GARIN5B: variants seen among roughly 807,000 people sequenced by gnomAD.
GARIN5B encodes golgi associated RAB2 interactor family member 5B, also known as Golgi-associated RAB2 interactor protein 5B.
the GARIN5B span, chr19:55,359,147 C>G: frequency 3.9e-6 from 6 of 1,551,080 alleles, no homozygotes; most frequent in East Asian, 1.5e-4. Context: ...CAGCACGGCT[C>G]TTCCAGGAAT....
At chr19:55,358,394 TC>T in the GARIN5B span, 5 of 1,506,128 alleles carry the variant, frequency 3.3e-6, no homozygotes, top group Non-Finnish European at 4.4e-6. Context: ...CCGTAAGTCC[TC>T]CCACGGTGAG....
the GARIN5B span, chr19:55,358,750 G>T: frequency 6.5e-7 from 1 of 1,549,570 alleles, no homozygotes; most frequent in Non-Finnish European, 8.7e-7. Flanking sequence ...GCTCTTTGGA[G>T]TTGGCCGTGA....
chr19:55,360,881 G>T, the GARIN5B span: 1 of 1,545,420 alleles, frequency 6.5e-7, no homozygotes. Context: ...TGTGAGTTCT[G>T]TCGGGGCGGG....
chr19:55,358,456 A>G, the GARIN5B span: 1 of 1,525,554 alleles, frequency 6.6e-7, no homozygotes. Flanking sequence ...TCAGACTGGC[A>G]GAGGTGGGCT....
the GARIN5B span, chr19:55,362,109 C>T: frequency 8.0e-7 from 1 of 1,252,462 alleles, no homozygotes. Context: ...GGTCCAGGCC[C>T]CCAGCCCCTC....
chr19:55,361,257 T>G, the GARIN5B span: 1 of 1,550,486 alleles, frequency 6.4e-7, no homozygotes, highest in African/African-American at 1.4e-5. Context: ...AGAGGAGACA[T>G]CCTGGGTCAG....
chr19:55,363,111 G>T, the GARIN5B span: 1 of 1,435,998 alleles, frequency 7.0e-7, no homozygotes, highest in South Asian at 1.5e-5. The surrounding 1 kb of genome is among the most constrained non-coding windows in gnomAD (Gnocchi z 4.0). Context: ...CCAGAACCCA[G>T]GCGTGCAGGC....
chr19:55,361,414 A>G, the GARIN5B span: 2 of 1,518,744 alleles, frequency 1.3e-6, no homozygotes, highest in Admixed American at 2.1e-5. Context: ...GCTCACCTGC[A>G]TGTCTGCTGA....
At chr19:55,355,165 T>TC in the GARIN5B span, 2 of 17,568 alleles carry the variant, frequency 1.1e-4, no homozygotes, top group African/African-American at 2.4e-4. Flanking sequence ...CCCCTCGTCC[T>TC]CCCCCCTCCG....
chr19:55,358,759 G>A, the GARIN5B span: 1,115 of 1,549,606 alleles, frequency 7.2e-4, 7 homozygotes, highest in African/African-American at 0.014. Flanking sequence ...AGTTGGCCGT[G>A]ATCATGAGCT....
At chr19:55,361,277 G>T in the GARIN5B span, 1 of 1,548,762 alleles carries the variant, frequency 6.5e-7, no homozygotes, top group Non-Finnish European at 8.7e-7. Flanking sequence ...GGGACCCCAG[G>T]GGAGGGCACG....
chr19:55,354,998 A>T, the GARIN5B span: 1 of 150,090 alleles, frequency 6.7e-6, no homozygotes, highest in Non-Finnish European at 1.2e-5. Context: ...ATATAAAGGC[A>T]TATCCATAGT....
chr19:55,362,674 C>T, the GARIN5B span: 1 of 1,545,540 alleles, frequency 6.5e-7, no homozygotes, highest in African/African-American at 1.4e-5. Flanking sequence ...GGCGGCCACG[C>T]CCATGGCCAG....
At chr19:55,359,924 G>A in the GARIN5B span, 58 of 1,551,240 alleles carry the variant, frequency 3.7e-5, no homozygotes, top group Non-Finnish European at 5.1e-5. Context: ...ACAGTGTGAA[G>A]GGCTCTCAAC....
At chr19:55,362,852 C>G in the GARIN5B span, 1 of 1,470,466 alleles carries the variant, frequency 6.8e-7, no homozygotes, top group South Asian at 1.4e-5. Context: ...CTCAAGATCC[C>G]CCAGCACGGG....
the GARIN5B span, chr19:55,361,154 A>G: frequency 6.4e-7 from 1 of 1,551,140 alleles, no homozygotes; most frequent in Non-Finnish European, 8.7e-7. Flanking sequence ...CCTTGGGCCC[A>G]CACCACCCCG....
chr19:55,355,813 C>G, the GARIN5B span, among the ~76,000 whole-genome samples: 2 of 151,910 alleles, frequency 1.3e-5, no homozygotes, highest in African/African-American at 4.8e-5. Context: ...TGGTGAAACC[C>G]CATCTCTACA....
chr19:55,358,101 A>G, the GARIN5B span: 1 of 1,413,608 alleles, frequency 7.1e-7, no homozygotes, highest in East Asian at 2.7e-5. Context: ...CTGTCTCATA[A>G]ACAGCAGAGC....
At chr19:55,361,917 G>A in the GARIN5B span, among the ~76,000 whole-genome samples, 1 of 143,206 alleles carries the variant, frequency 7.0e-6, no homozygotes, top group Non-Finnish European at 1.5e-5. Flanking sequence ...TCAGACCCAG[G>A]AGTCCAGGCC....
Sources: gnomAD v4.1 joint callset for allele counts (sites outside exome capture counted in the v4.1 genomes callset) on GRCh38, gnomAD v4.1.1 for gene constraint, Gnocchi (gnomAD v3.1) non-coding constraint, MANE v1.5 for transcripts, NCBI Gene and HGNC (gene_info 2026-07-23, HGNC 2026-07-21) for gene names.